PCDHGA1: variants seen among roughly 807,000 people sequenced by gnomAD.
PCDHGA1 encodes the protein protocadherin gamma subfamily A, 1, also known as protocadherin gamma-A1.
A neutral mutation model predicts 58.0 loss-of-function variants in PCDHGA1; 32 were observed. The observed-to-expected ratio is 0.55, with a 90% confidence interval of 0.42 to 0.74. The LOEUF (loss-of-function observed/expected upper bound fraction) is 0.74, where lower values mean the gene tolerates loss of function less well. PCDHGA1 is among the 30% of genes least tolerant of loss of function. The probability of loss-of-function intolerance (pLI) is 0.00; values close to 1 mark genes in which losing one functional copy is unlikely to be tolerated. For missense variants in PCDHGA1, 1,205 were observed against 1,182.3 expected (o/e 1.02, Z -0.28); for synonymous variants, 498 against 501.1 (o/e 0.99, Z 0.08).
At chr5:141,418,946 G>A in intron 1 of PCDHGA1, 3 of 1,614,018 alleles carry the variant, frequency 1.9e-6, no homozygotes, top group South Asian at 1.1e-5. Flanking sequence ...TTCCCCTCCA[G>A]GAGTGGTTGT....
At chr5:141,374,748 G>T in intron 1 of PCDHGA1, 1 of 1,611,888 alleles carries the variant, frequency 6.2e-7, no homozygotes, top group Non-Finnish European at 8.5e-7. Flanking sequence ...GACCCTGTCC[G>T]CTCAAGCGTC....
chr5:141,472,980 C>CAAAAAAAAAAAAAAAAAAGAAAAAAA (rs60579131), intron 1 of PCDHGA1, among the ~76,000 whole-genome samples: 1 of 86,106 alleles, frequency 1.2e-5, no homozygotes, highest in South Asian at 4.3e-4. Flanking sequence ...GAGTGAAACT[C>CAAAAAAAAAAAAAAAAAAGAAAAAAA]AAAAAAAAAA....
chr5:141,433,408 A>ATCTATCT (rs1413347413), intron 1 of PCDHGA1, among the ~76,000 whole-genome samples: 44 of 127,346 alleles, frequency 3.5e-4, no homozygotes, highest in African/African-American at 1.2e-3. Context: ...TCTATCTATT[A>ATCTATCT]CTTTCTTGTA....
chr5:141,470,969 A>T (rs62379203), intron 1 of PCDHGA1, among the ~76,000 whole-genome samples: 1 of 151,298 alleles, frequency 6.6e-6, no homozygotes, highest in Non-Finnish European at 1.5e-5. Flanking sequence ...CTCCCACCTC[A>T]GCCTCCCAAA....
At chr5:141,344,176 T>C (rs751095809) in intron 1 of PCDHGA1, 5 of 1,613,978 alleles carry the variant, frequency 3.1e-6, no homozygotes, top group Admixed American at 1.7e-5. Flanking sequence ...GTGGGCAACA[T>C]CGCTAACGAC....
At chr5:141,415,503 G>A (rs1354902623) in intron 1 of PCDHGA1, 1 of 1,614,212 alleles carries the variant, frequency 6.2e-7, no homozygotes. Flanking sequence ...TCTTCCCCCA[G>A]CCCAATTATG....
chr5:141,395,096 C>T (rs769366827), intron 1 of PCDHGA1: 4 of 1,614,068 alleles, frequency 2.5e-6, no homozygotes, highest in African/African-American at 2.7e-5. Flanking sequence ...CCCTCACCGC[C>T]GACTCGCGGA....
intron 1 of PCDHGA1, chr5:141,387,838 A>G: frequency 6.3e-7 from 1 of 1,598,726 alleles, no homozygotes; most frequent in East Asian, 2.2e-5. Context: ...GGTTATTTGT[A>G]ACCCGGCGTC....
At chr5:141,394,833 G>A (rs867584109) in intron 1 of PCDHGA1, 1 of 1,613,848 alleles carries the variant, frequency 6.2e-7, no homozygotes, top group South Asian at 1.1e-5. Flanking sequence ...AGTCCTGACC[G>A]AGTTGGGCAG....
intron 1 of PCDHGA1, chr5:141,350,867 A>G: frequency 2.5e-6 from 4 of 1,614,074 alleles, no homozygotes; most frequent in East Asian, 2.2e-5. Context: ...GGAACATCAG[A>G]GCTCTCATCG....
rs771450412 is a variant in PCDHGA1, at chr5:141,374,978, G to C, written c.2421+41873G>C. The C allele has an allele frequency of 2.2e-5, 35 of 1,613,984 alleles. No homozygotes were observed. The highest frequency in any genetic ancestry group is 2.9e-5 in the Non-Finnish European group (34 of 1,179,904). On this transcript the variant is annotated intron_variant, in intron 1 of 3. Coordinates refer to ENST00000517417, the MANE Select transcript of PCDHGA1 (RefSeq NM_018912.3). The stretch of plus-strand genomic sequence containing the variant: ...AATTTTCTGTTTGAATGTTTTGACT[G>C]GAGAAATTTCAACTTCTGCAAATCT...
In PCDHGA1 at chr5:141,364,057, TTATAAC is replaced by T. The variant is rs1347716169; in HGVS notation, c.2421+30955_2421+30960del. 2.6e-5 allele frequency among the ~76,000 whole-genome samples: 4 copies of T among 152,286 alleles called. No individual in the cohort carries two copies. In the East Asian group the frequency reaches 7.7e-4, roughly 29 times the overall value. Reference sequence around the variant, plus strand: ...TATGGCAACATTATTAGAAATAAAATTATAACTAAACTTAGGAGAAATAAAAATGGA... The same window carrying T: ...TATGGCAACATTATTAGAAATAAAATTAAACTTAGGAGAAATAAAAATGGA... On this transcript the variant is annotated intron_variant, in intron 1 of 3. Coordinates refer to ENST00000517417, the MANE Select transcript of PCDHGA1 (RefSeq NM_018912.3).
intron 1 of PCDHGA1, among the ~76,000 whole-genome samples, chr5:141,369,204 G>A (rs970193289): frequency 3.3e-5 from 5 of 152,182 alleles, no homozygotes; most frequent in Non-Finnish European, 7.4e-5. Context: ...ATGGTAAACT[G>A]GGGACCAAGG....
chr5:141,379,441 A>G (rs185197715), intron 1 of PCDHGA1: 93 of 152,360 alleles, frequency 6.1e-4, no homozygotes, highest in African/African-American at 2.0e-3. Context: ...TGTTATACAT[A>G]TGATTATTTC....
intron 2 of PCDHGA1, among the ~76,000 whole-genome samples, chr5:141,499,772 C>T (rs1217675128): frequency 1.0e-4 from 15 of 147,946 alleles, no homozygotes; most frequent in Admixed American, 9.0e-4. Context: ...CTGCAGCCTT[C>T]GCCTCCCGGG....
chr5:141,494,781 C>T, intron 1 of PCDHGA1, 26 bp from the exon 2 acceptor site: 1 of 1,614,074 alleles, frequency 6.2e-7, no homozygotes, highest in African/African-American at 1.3e-5. Flanking sequence ...GGGTACTCAG[C>T]CCCTTTCCCT....
In PCDHGA1 at chr5:141,375,962, C is replaced by A. The variant is rs763635174; in HGVS notation, c.2421+42857C>A. 4 of 1,613,344 alleles carry A rather than the reference C, an allele frequency of 2.5e-6. No homozygotes were observed. The South Asian group carries it at 3.3e-5, about 13-fold the overall frequency. On this transcript the variant is annotated intron_variant, in intron 1 of 3. Coordinates refer to ENST00000517417, the MANE Select transcript of PCDHGA1 (RefSeq NM_018912.3). Reference sequence around the variant, plus strand: ...AGTGGGCCTGCACACGGGCGAGGTGCGCACGGCGCGCGCCCTGCTGGACAG... The same window carrying A: ...AGTGGGCCTGCACACGGGCGAGGTGAGCACGGCGCGCGCCCTGCTGGACAG...
At chr5:141,456,635 A>G (rs558958846) in intron 1 of PCDHGA1, among the ~76,000 whole-genome samples, 17 of 152,194 alleles carry the variant, frequency 1.1e-4, no homozygotes, top group Non-Finnish European at 2.2e-4. Context: ...CTTCTTTACT[A>G]CAGGTGTTAA....
intron 1 of PCDHGA1, chr5:141,388,215 G>A (rs2091280920): frequency 6.3e-7 from 1 of 1,597,062 alleles, no homozygotes. Flanking sequence ...GGCTGTTGCT[G>A]AAAATCCACT....
Sources: gnomAD v4.1 joint callset for allele counts (sites outside exome capture counted in the v4.1 genomes callset) on GRCh38, gnomAD v4.1.1 for gene constraint, MANE v1.5 for transcripts, NCBI Gene and HGNC (gene_info 2026-07-23, HGNC 2026-07-21) for gene names.